The following SLCO5A1 variants were observed in gnomAD, a reference collection of about 807,000 sequenced individuals.
SLCO5A1 encodes the protein solute carrier organic anion transporter family member 5A1, also known as organic anion transporter polypeptide-related protein 4.
Under a neutral mutation model 65.1 loss-of-function variants are expected in SLCO5A1, and 39 were observed. The ratio of observed to expected loss-of-function variants is 0.60; its 90% CI spans 0.46 to 0.78. The LOEUF is 0.78. SLCO5A1 is among the 30% of genes least tolerant of loss of function. The probability of loss-of-function intolerance (pLI) is 0.00; values close to 1 mark genes in which losing one functional copy is unlikely to be tolerated. For synonymous variants in SLCO5A1, 438 were observed against 415.7 expected (o/e 1.05, Z -0.65); for missense variants, 1,029 against 1,069.4 (o/e 0.96, Z 0.53).
At position 69,783,297 on chromosome 8, in the gene SLCO5A1, ATTTTAAAATAAC is replaced by A. The variant is rs1180440785; in HGVS notation, c.908-21434_908-21423del. On this transcript the variant is annotated intron_variant, in intron 2 of 9. Transcript: ENST00000260126. ...ATAGTCAATAATAACTTAATTGTAT[ATTTTAAAATAAC>A]TTTTAAAATGTGATTAGATTATTTG... Among the ~76,000 whole-genome samples the A allele has an allele frequency of 7.2e-5, 11 of 152,222 alleles. No homozygotes were observed. The East Asian group carries it at 1.9e-3, about 27-fold the overall frequency.
At chr8:69,805,958 C>T (rs1344561896) in intron 2 of SLCO5A1, among the ~76,000 whole-genome samples, 1 of 152,128 alleles carries the variant, frequency 6.6e-6, no homozygotes, top group Admixed American at 6.5e-5. Context: ...AGGATTTCTC[C>T]AAGACAATAG....
intron 5 of SLCO5A1, among the ~76,000 whole-genome samples, chr8:69,725,896 C>CA (rs551546097): frequency 0.012 from 1,799 of 152,236 alleles, 19 homozygotes; most frequent in Non-Finnish European, 0.016. Flanking sequence ...CTTCTATTCA[C>CA]AAAAAATCCT....
intron 4 of SLCO5A1, among the ~76,000 whole-genome samples, chr8:69,742,050 T>C (rs1277703495): frequency 6.6e-6 from 1 of 152,156 alleles, no homozygotes; most frequent in African/African-American, 2.4e-5. Flanking sequence ...TGTGGTTATA[T>C]AGGAGAGTGT....
At chr8:69,787,583 G>A (rs1227774921) in intron 2 of SLCO5A1, among the ~76,000 whole-genome samples, 3 of 152,178 alleles carry the variant, frequency 2.0e-5, no homozygotes, top group Admixed American at 2.0e-4. Context: ...AATGAAGTCT[G>A]GAATGGCATT....
intron 2 of SLCO5A1, among the ~76,000 whole-genome samples, chr8:69,777,907 A>C (rs1818626736): frequency 6.6e-6 from 1 of 152,194 alleles, no homozygotes. Context: ...ATCTCCCTTC[A>C]TCTCATCACA....
At chr8:69,773,688 A>T (rs1004919786) in intron 2 of SLCO5A1, among the ~76,000 whole-genome samples, 10 of 152,140 alleles carry the variant, frequency 6.6e-5, no homozygotes, top group African/African-American at 2.4e-4. Context: ...AAGCAATTCC[A>T]TTTTCCTTTG....
At chr8:69,801,843 A>C (rs2130903686) in intron 2 of SLCO5A1, among the ~76,000 whole-genome samples, 1 of 152,322 alleles carries the variant, frequency 6.6e-6, no homozygotes, top group South Asian at 2.1e-4. Flanking sequence ...AGACCCGCTG[A>C]GTTCAGGCAA....
Position 69,705,181 on chromosome 8 carries a change from T to C in SLCO5A1, c.1472A>G (p.Tyr491Cys). ...SAGVGIVLGG[Y>C]IIKKLKLGAR... ...ACCAAGTTTCAATTTTTTTATAATG[T>C]AGCCTCCGAGGACAATACCAACACC... Residue 491 changes from tyrosine to cysteine, a missense_variant, in exon 6 of 10, where the codon TAC becomes TGC. By Grantham distance (194) the Tyr-to-Cys change is radical (BLOSUM62 -2). Coordinates refer to ENST00000260126, the MANE Select transcript of SLCO5A1 (RefSeq NM_030958.3). 1 of 1,614,194 alleles carries C rather than the reference T, an allele frequency of 6.2e-7. No individual in the cohort carries two copies. Among genetic ancestry groups the C allele is most frequent in the Non-Finnish European group, 8.5e-7 (1 of 1,180,034 alleles).
chr8:69,692,660 TA>T (rs1563665329), intron 6 of SLCO5A1, among the ~76,000 whole-genome samples: 1 of 152,224 alleles, frequency 6.6e-6, no homozygotes. Flanking sequence ...AACTTTTTCT[TA>T]AAAACTATGA....
chr8:69,705,117 A>T lies in SLCO5A1; in HGVS notation c.1536T>A (p.Gly512=). 1 of 1,614,182 alleles carries T rather than the reference A, an allele frequency of 6.2e-7. No homozygotes were observed. Among genetic ancestry groups the T allele is most frequent in the Non-Finnish European group, 8.5e-7 (1 of 1,180,038 alleles). ...ESAKLAMICS[G]VSLLCFSTLF... ...GGGTTGAAAAACATAGTAAAGACAC[A>T]CCACTGCAGATCATTGCTAGTTTTG... The change falls in exon 6 of 10, where the codon GGT becomes GGA. Residue 512 remains glycine, a synonymous_variant. Coordinates refer to ENST00000260126, the MANE Select transcript of SLCO5A1 (RefSeq NM_030958.3).
At position 69,682,185 on chromosome 8, in the gene SLCO5A1, C is replaced by T. The variant is rs34698405; in HGVS notation, c.1781G>A (p.Gly594Glu). Reference protein sequence around the residue: ...GCVNSGNLSTGIRNYTECTCV... With the variant: ...GCVNSGNLSTEIRNYTECTCV... Reference sequence around the variant, plus strand: ...GAGGAACTTGTGAAATATACTCACCCCAGTGCTAAGATTACCACTATTAAC... The same window carrying T: ...GAGGAACTTGTGAAATATACTCACCTCAGTGCTAAGATTACCACTATTAAC... The change falls in exon 7 of 10, where the codon GGG becomes GAG. Residue 594 changes from glycine (G) to glutamate (E), a missense_variant and splice_region_variant. Gly to Glu is a moderately conservative substitution (Grantham distance 98, BLOSUM62 -2). Around this residue, in one of 3 missense-constraint regions of SLCO5A1, gnomAD observed 124 missense variants for 184.5 expected, o/e 0.67. Transcript: ENST00000260126. 8 of 1,607,666 alleles carry T rather than the reference C, an allele frequency of 5.0e-6. No individual in the cohort carries two copies. The Admixed American group carries it at 1.4e-4, about 27-fold the overall frequency.
intron 2 of SLCO5A1, among the ~76,000 whole-genome samples, chr8:69,813,554 C>T (rs1448084445): frequency 1.3e-5 from 2 of 152,156 alleles, no homozygotes; most frequent in African/African-American, 2.4e-5. Context: ...TCAGGTAATA[C>T]ACAGCTGCTG....
At chr8:69,705,750 C>G (rs924150100) in intron 5 of SLCO5A1, among the ~76,000 whole-genome samples, 2 of 152,134 alleles carry the variant, frequency 1.3e-5, no homozygotes, top group African/African-American at 4.8e-5. Flanking sequence ...AGTGAAATAC[C>G]ACTACCTACC....
At chr8:69,797,522 A>T (rs1002698729) in intron 2 of SLCO5A1, among the ~76,000 whole-genome samples, 4 of 152,384 alleles carry the variant, frequency 2.6e-5, no homozygotes, top group Non-Finnish European at 5.9e-5. Flanking sequence ...TTCTTTCAAA[A>T]GCAAATGGGA....
rs1347791726 is a variant in SLCO5A1 at position 69,667,839 on chromosome 8, G to A, written c.*5030C>T. The A allele has an allele frequency of 6.6e-6, 1 of 152,160 alleles. No individual in the cohort carries two copies. The highest frequency in any genetic ancestry group is 1.5e-5 in the Non-Finnish European group (1 of 68,016). 9.4% of individuals were successfully genotyped at this position (152,160 alleles called of 1,614,324 possible). On this transcript the variant is annotated 3_prime_UTR_variant, in exon 10 of 10. Transcript: ENST00000260126. ...TATCAAAAGCACTGAGTATTCCATAGAAAAGTATCCCCCCTTTCACGCTTC... is the reference window on the plus strand; with the variant it reads ...TATCAAAAGCACTGAGTATTCCATAAAAAAGTATCCCCCCTTTCACGCTTC...
At chr8:69,711,428 G>A (rs1345217835) in intron 5 of SLCO5A1, among the ~76,000 whole-genome samples, 3 of 152,198 alleles carry the variant, frequency 2.0e-5, no homozygotes, top group Non-Finnish European at 2.9e-5. Context: ...GACCTGGGGA[G>A]CGCAGGAGAA....
intron 7 of SLCO5A1, among the ~76,000 whole-genome samples, chr8:69,679,890 C>T (rs1359447698): frequency 1.3e-5 from 2 of 152,194 alleles, no homozygotes; most frequent in Admixed American, 1.3e-4. Flanking sequence ...TCTGCAGGCT[C>T]ATTTTTGTCA....
intron 2 of SLCO5A1, among the ~76,000 whole-genome samples, chr8:69,778,036 T>C (rs1024840888): frequency 1.3e-5 from 2 of 152,190 alleles, no homozygotes; most frequent in South Asian, 2.1e-4. Context: ...AATTGTTCCA[T>C]TTTATTATTG....
intron 2 of SLCO5A1, among the ~76,000 whole-genome samples, chr8:69,769,218 G>A (rs941025556): frequency 6.6e-6 from 1 of 152,178 alleles, no homozygotes; most frequent in East Asian, 1.9e-4. Flanking sequence ...TCTGTCCTAG[G>A]TGCTCACATC....
Sources: allele counts gnomAD v4.1 joint callset (sites outside exome capture counted in the v4.1 genomes callset), GRCh38; gene constraint gnomAD v4.1.1; regional missense constraint gnomAD v4.1.1; transcripts MANE v1.5; gene names NCBI Gene and HGNC (gene_info 2026-07-23, HGNC 2026-07-21).